Variants in LPXN observed in about 807,000 individuals in gnomAD.
LPXN encodes leupaxin.
Under a neutral mutation model 45.6 loss-of-function variants are expected in LPXN, and 28 were observed. The ratio of observed to expected loss-of-function variants is 0.61; its 90% confidence interval spans 0.45 to 0.84. The LOEUF (loss-of-function observed/expected upper bound fraction) is 0.84. LPXN is among the 40% of genes least tolerant of loss of function. LPXN has a pLI of 0.00. For synonymous variants in LPXN, 166 were observed against 169.9 expected, an observed-to-expected ratio of 0.98 and a Z score of 0.18; for missense variants, 459 against 475.0, an observed-to-expected ratio of 0.97 and a Z score of 0.31.
intron 7 of LPXN, among the ~76,000 whole-genome samples, chr11:58,540,687 G>C (rs1853689426): frequency 6.6e-6 from 1 of 152,126 alleles, no homozygotes; most frequent in South Asian, 2.1e-4. Context: ...AAAGCAATTT[G>C]TTGAGGTATA....
At chr11:58,530,904 G>A (rs1853367889) in intron 7 of LPXN, among the ~76,000 whole-genome samples, 1 of 152,188 alleles carries the variant, frequency 6.6e-6, no homozygotes, top group South Asian at 2.1e-4. Context: ...CTAATACCCA[G>A]GCAAACAGGG....
chr11:58,554,605 T>G, intron 4 of LPXN: 32 of 349,940 alleles, frequency 9.1e-5, no homozygotes, highest in East Asian at 3.1e-4. Context: ...TCCAGCTCCT[T>G]GAGATCAAAG....
At chr11:58,569,521 G>A (rs1245786118) in intron 2 of LPXN, among the ~76,000 whole-genome samples, 2 of 151,940 alleles carry the variant, frequency 1.3e-5, no homozygotes, top group South Asian at 2.1e-4. Context: ...CCTGAGTGGC[G>A]GGGACCATAG....
chr11:58,574,982 T>C (rs1854836686), intron 1 of LPXN, among the ~76,000 whole-genome samples: 1 of 152,350 alleles, frequency 6.6e-6, no homozygotes, highest in Middle Eastern at 3.4e-3. Context: ...TATAGTTTAG[T>C]GACTCAGTGT....
intron 7 of LPXN, among the ~76,000 whole-genome samples, chr11:58,547,059 G>C (rs1853896155): frequency 6.6e-6 from 1 of 152,072 alleles, no homozygotes; most frequent in African/African-American, 2.4e-5. Flanking sequence ...GTGTGCCTTG[G>C]CATTAGTGAG....
At chr11:58,578,260 C>A (rs1237281595), upstream of LPXN, 4 of 530,654 alleles carry the variant, frequency 7.5e-6, no homozygotes, top group Non-Finnish European at 1.3e-5. Flanking sequence ...CACTGCCTCC[C>A]GAAAAAAAGG....
intron 3 of LPXN, among the ~76,000 whole-genome samples, chr11:58,559,685 G>C (rs564490426): frequency 6.6e-6 from 1 of 152,202 alleles, no homozygotes; most frequent in African/African-American, 2.4e-5. Flanking sequence ...AGACCAGCCT[G>C]GGAAACATAG....
rs182444050 is a variant in LPXN, at chr11:58,558,387, A to G, written c.219-3447T>C. On this transcript the variant is annotated intron_variant, in intron 3 of 8. Transcript: ENST00000395074. ...ACCCTGTCTCTACAAAAATTTAAAA[A>G]TCAGCCAGATGTGGTAGCACACATC... Among the ~76,000 whole-genome samples, 105 of 151,830 alleles carry G rather than the reference A, an allele frequency of 6.9e-4. 1 individual carries two copies. Among genetic ancestry groups the G allele is most frequent in the African/African-American group, 2.3e-3 (97 of 41,416 alleles).
rs374496083 is a variant in LPXN, at chr11:58,575,325, ACTT to A, written c.13+432_13+434del. 1.3e-3 allele frequency among the ~76,000 whole-genome samples: 205 copies of A among 152,180 alleles called. 6 individuals carry two copies. The South Asian group carries it at 0.041, about 30-fold the overall frequency. On this transcript the variant is annotated intron_variant, in intron 1 of 8. Coordinates refer to ENST00000395074, the MANE Select transcript of LPXN (RefSeq NM_004811.3). ...ACCTCTACAGATCCCTCATTCTTAT[ACTT>A]CTAGTCCGTCTTTTCTTCCTCATAA...
intron 7 of LPXN, among the ~76,000 whole-genome samples, chr11:58,540,034 A>G (rs1437686994): frequency 6.6e-6 from 1 of 152,162 alleles, no homozygotes; most frequent in Non-Finnish European, 1.5e-5. Flanking sequence ...ATGTGATTCA[A>G]CAAGAAGTAT....
At chr11:58,551,851 G>T (rs2120342064) in intron 4 of LPXN, among the ~76,000 whole-genome samples, 1 of 152,276 alleles carries the variant, frequency 6.6e-6, no homozygotes, top group South Asian at 2.1e-4. Context: ...GTAGATACTT[G>T]GGACTTAGAA....
Position 58,551,213 on chromosome 11 carries a change from G to C in LPXN, c.338C>G (p.Ala113Gly). ...MQAKVAVRAD[A>G]GKKHLPDKQD... ...CTTGTCTGGTAAGTGCTTCTTGCCA[G>C]CATCTGCTCTCACTGCAACCTGGCC... Residue 113 changes from alanine (A) to glycine (G), a missense_variant, in exon 5 of 9, where the codon GCT (alanine) becomes GGT (glycine). Physicochemically the swap from Ala to Gly is moderately conservative, Grantham distance 60. Coordinates refer to ENST00000395074, the MANE Select transcript of LPXN (RefSeq NM_004811.3). The C allele has an allele frequency of 6.2e-7, 1 of 1,608,028 alleles. No homozygotes were observed.
At chr11:58,567,541 A>T (rs1456894221) in intron 2 of LPXN, among the ~76,000 whole-genome samples, 1 of 152,228 alleles carries the variant, frequency 6.6e-6, no homozygotes, top group Non-Finnish European at 1.5e-5. Flanking sequence ...TTAATTTATG[A>T]GTTATTTGAT....
chr11:58,575,832 T>C lies in LPXN; in HGVS notation c.-60A>G. 4 of 1,614,100 alleles carry C rather than the reference T, an allele frequency of 2.5e-6. No individual in the cohort carries two copies. The highest frequency in any genetic ancestry group is 1.1e-5 in the South Asian group (1 of 91,076). On this transcript the variant is annotated 5_prime_UTR_variant, in exon 1 of 9. Transcript: ENST00000395074. Reference sequence around the variant, plus strand: ...CGTGAGGAACAGCTTTGGCATGTGCTGAAGAAGAGGACCGCAAAGGAACTG... The same window carrying C: ...CGTGAGGAACAGCTTTGGCATGTGCCGAAGAAGAGGACCGCAAAGGAACTG...
chr11:58,578,212 C>A, upstream of LPXN: 2 of 853,452 alleles, frequency 2.3e-6, no homozygotes, highest in South Asian at 1.8e-5. Context: ...GACGCTTGAG[C>A]CCGGATGTAC....
chr11:58,574,776 T>C (rs1854828670), intron 1 of LPXN, among the ~76,000 whole-genome samples: 1 of 152,216 alleles, frequency 6.6e-6, no homozygotes, highest in Non-Finnish European at 1.5e-5. Flanking sequence ...TTCATTAACA[T>C]CTCTTGCCTC....
At chr11:58,542,816 T>A (rs140764002) in intron 7 of LPXN, among the ~76,000 whole-genome samples, 1 of 152,320 alleles carries the variant, frequency 6.6e-6, no homozygotes, top group East Asian at 1.9e-4. Context: ...TGTGCACACA[T>A]ACATGAATAA....
At position 58,538,007 on chromosome 11, in the gene LPXN, G is replaced by A. The variant is rs938512465; in HGVS notation, c.743-9816C>T. On this transcript the variant is annotated intron_variant, in intron 7 of 8. Coordinates refer to ENST00000395074, the MANE Select transcript of LPXN (RefSeq NM_004811.3). Reference sequence around the variant, plus strand: ...CTCACTGTTCAATTCCCACCTATGAGTGAGAACATGTGGCGTTTGGTTTTT... The same window carrying A: ...CTCACTGTTCAATTCCCACCTATGAATGAGAACATGTGGCGTTTGGTTTTT... Among the ~76,000 whole-genome samples the A allele has an allele frequency of 1.6e-4, 23 of 144,954 alleles. 1 individual carries two copies. The Admixed American group carries it at 1.6e-3, about 10-fold the overall frequency.
chr11:58,561,028 A>G (rs1325780488), intron 3 of LPXN, among the ~76,000 whole-genome samples: 1 of 152,194 alleles, frequency 6.6e-6, no homozygotes, highest in Non-Finnish European at 1.5e-5. Flanking sequence ...AAAGGTATAA[A>G]AAGGTAACTG....
Sources: gnomAD v4.1 joint callset for allele counts (sites outside exome capture counted in the v4.1 genomes callset) on GRCh38, gnomAD v4.1.1 for gene constraint, MANE v1.5 for transcripts, NCBI Gene and HGNC (gene_info 2026-07-23, HGNC 2026-07-21) for gene names.